The following BORCS5 variants were observed in gnomAD, a reference collection of about 807,000 sequenced individuals.
BORCS5 encodes the protein BLOC-1-related complex subunit 5.
BORCS5 carries 17 observed loss-of-function variants against 22.1 expected under a neutral mutation model. The observed-to-expected ratio is 0.77, with a 90% CI of 0.53 to 1.15. BORCS5 has a LOEUF of 1.15. BORCS5 is among the 50% of genes most tolerant of loss of function. BORCS5 has a pLI of 0.00. For synonymous variants in BORCS5, 117 were observed against 99.8 expected, an observed-to-expected ratio of 1.17 and a Z score of -1.03; for missense variants, 247 against 253.2, an observed-to-expected ratio of 0.98 and a Z score of 0.17.
At position 12,360,196 on chromosome 12, in the gene BORCS5, T is replaced by C. The variant is rs187740829; in HGVS notation, c.59-1010T>C. On this transcript the variant is annotated intron_variant, in intron 1 of 3. Transcript: ENST00000314565. The stretch of plus-strand genomic sequence containing the variant: ...GGCCAATATGGTGAAACCCCATCTC[T>C]ACTAAAAATACAAAAATTAGCCAGA... 4.0e-3 allele frequency among the ~76,000 whole-genome samples: 604 copies of C among 152,138 alleles called. 2 individuals carry two copies. The highest frequency in any genetic ancestry group is 5.0e-3 in the Non-Finnish European group (343 of 68,004).
At chr12:12,445,521 TGAAATA>T (rs1565922865) in intron 3 of BORCS5, among the ~76,000 whole-genome samples, 1 of 142,684 alleles carries the variant, frequency 7.0e-6, no homozygotes, top group African/African-American at 2.6e-5. Flanking sequence ...TTTTTCAATT[TGAAATA>T]CCTTTTTTTT....
intron 2 of BORCS5, among the ~76,000 whole-genome samples, chr12:12,364,569 ATGT>A (rs770876133): frequency 6.7e-4 from 101 of 150,214 alleles, no homozygotes; most frequent in Admixed American, 1.7e-3. Context: ...GTTCAGACCC[ATGT>A]TGTTGTTCAA....
At position 12,435,750 on chromosome 12, in the gene BORCS5, T is replaced by A; in HGVS notation, c.325T>A (p.Phe109Ile). The A allele has an allele frequency of 6.2e-7, 1 of 1,613,898 alleles. No individual in the cohort carries two copies. Among genetic ancestry groups the A allele is most frequent in the Non-Finnish European group, 8.5e-7 (1 of 1,179,932 alleles). Residue 109 changes from phenylalanine to isoleucine, a missense_variant, in exon 3 of 4, where the codon TTT becomes ATT. Physicochemically the swap from Phe to Ile is conservative, Grantham distance 21. Transcript: ENST00000314565. ...GCATCAGTGTGCAGAGGCCGTTGCT[T>A]TTGACCAGAATGCTTTGGTTAAACG... is the stretch of plus-strand genomic sequence containing the variant. ...HLHQCAEAVAFDQNALVKRIK... is the reference protein window; with the variant it reads ...HLHQCAEAVAIDQNALVKRIK...
rs1194224297 is a variant in BORCS5 at position 12,359,489 on chromosome 12, G to A, written c.59-1717G>A. The stretch of plus-strand genomic sequence containing the variant: ...CAATTTTCCTGCCTCAGCCTCCCAA[G>A]TAGCTGGGATTACAGGGACATGCCA... On this transcript the variant is annotated intron_variant, in intron 1 of 3. Coordinates refer to ENST00000314565, the MANE Select transcript of BORCS5 (RefSeq NM_058169.6). Among the ~76,000 whole-genome samples, 3 of 151,072 alleles carry A rather than the reference G, an allele frequency of 2.0e-5. No individual in the cohort carries two copies. In the Admixed American group the frequency reaches 2.0e-4, roughly 10 times the overall value.
chr12:12,402,002 C>T (rs1019872352), intron 2 of BORCS5, among the ~76,000 whole-genome samples: 1 of 148,730 alleles, frequency 6.7e-6, no homozygotes, highest in Admixed American at 6.7e-5. Flanking sequence ...GGAGGCGGAG[C>T]TTGCAGTGAG....
At chr12:12,376,324 C>T (rs1404220341) in intron 2 of BORCS5, among the ~76,000 whole-genome samples, 1 of 151,360 alleles carries the variant, frequency 6.6e-6, no homozygotes, top group Non-Finnish European at 1.5e-5. Flanking sequence ...AGCTCTGCCT[C>T]CTGGGTTCAC....
intron 2 of BORCS5, among the ~76,000 whole-genome samples, chr12:12,395,354 C>T (rs574021613): frequency 1.7e-4 from 26 of 151,702 alleles, no homozygotes; most frequent in Admixed American, 1.1e-3. Flanking sequence ...CTGCAGCCTC[C>T]GCTTCCCAGG....
intron 2 of BORCS5, among the ~76,000 whole-genome samples, chr12:12,422,623 G>C (rs1942163816): frequency 6.6e-6 from 1 of 151,698 alleles, no homozygotes; most frequent in African/African-American, 2.4e-5. Flanking sequence ...AAAAGTAAAA[G>C]AATAAGGAAT....
intron 2 of BORCS5, among the ~76,000 whole-genome samples, chr12:12,378,099 C>T (rs780473464): frequency 1.3e-5 from 2 of 152,146 alleles, no homozygotes; most frequent in Non-Finnish European, 2.9e-5. Flanking sequence ...AGGCCGGGCA[C>T]GGTGGCTCAC....
chr12:12,414,231 G>T (rs1255586351), intron 2 of BORCS5, among the ~76,000 whole-genome samples: 6 of 84,874 alleles, frequency 7.1e-5, no homozygotes, highest in African/African-American at 1.5e-4. Flanking sequence ...CTCCCTCCCG[G>T]ACGGGGCGGC....
At chr12:12,418,317 C>T (rs1204501127) in intron 2 of BORCS5, among the ~76,000 whole-genome samples, 2 of 151,704 alleles carry the variant, frequency 1.3e-5, no homozygotes, top group South Asian at 2.1e-4. Flanking sequence ...AGATTACAGG[C>T]GTGAGCCACC....
chr12:12,379,396 T>C (rs1202276617), intron 2 of BORCS5, among the ~76,000 whole-genome samples: 1 of 151,566 alleles, frequency 6.6e-6, no homozygotes, highest in Non-Finnish European at 1.5e-5. Flanking sequence ...TTTACAGGCA[T>C]GGGCCACCAC....
chr12:12,460,830 C>G (rs59468563), intron 3 of BORCS5, among the ~76,000 whole-genome samples: 1,955 of 152,274 alleles, frequency 0.013, 50 homozygotes, highest in African/African-American at 0.044. Context: ...TTGACATAAG[C>G]ATTGCTTGGT....
intron 2 of BORCS5, among the ~76,000 whole-genome samples, chr12:12,372,453 C>T (rs184937113): frequency 3.3e-5 from 5 of 152,146 alleles, no homozygotes; most frequent in African/African-American, 9.7e-5. Flanking sequence ...TCAAGCAAAC[C>T]GCCTGCTTCA....
chr12:12,470,187 C>T lies in BORCS5; in HGVS notation c.*4411C>T, dbSNP rs557684751. Reference sequence around the variant, plus strand: ...CCGGGTTCAAGCAGTTATACTGTCTCAGCCTCCCGAGTAGCTGGGACTACA... The same window carrying T: ...CCGGGTTCAAGCAGTTATACTGTCTTAGCCTCCCGAGTAGCTGGGACTACA... On this transcript the variant is annotated 3_prime_UTR_variant, in exon 4 of 4. Coordinates refer to ENST00000314565, the MANE Select transcript of BORCS5 (RefSeq NM_058169.6). 2.6e-5 allele frequency among the ~76,000 whole-genome samples: 4 copies of T among 152,330 alleles called. No homozygotes were observed. In the South Asian group the frequency reaches 8.3e-4, roughly 32 times the overall value.
At chr12:12,381,215 G>C (rs1299955806) in intron 2 of BORCS5, among the ~76,000 whole-genome samples, 1 of 151,068 alleles carries the variant, frequency 6.6e-6, no homozygotes, top group Admixed American at 6.6e-5. Context: ...GGCCAGGCTG[G>C]TCTGGAACTT....
intron 2 of BORCS5, among the ~76,000 whole-genome samples, chr12:12,401,315 C>T (rs1422176465): frequency 6.6e-6 from 1 of 152,124 alleles, no homozygotes; most frequent in Non-Finnish European, 1.5e-5. Flanking sequence ...CTCAGTAAAA[C>T]CGGATATTGT....
In BORCS5 at chr12:12,357,315, C is replaced by T; in HGVS notation, c.-137C>T. ...CCTGCGTGGGCTGGACGCGTCAGCC[C>T]CACACATTAGCCTCGCTGCGGCGCC... On this transcript the variant is annotated 5_prime_UTR_variant, in exon 1 of 4. Coordinates refer to ENST00000314565, the MANE Select transcript of BORCS5 (RefSeq NM_058169.6). 4 of 1,471,662 alleles carry T rather than the reference C, an allele frequency of 2.7e-6. No homozygotes were observed. Among genetic ancestry groups the T allele is most frequent in the South Asian group, 2.7e-5 (2 of 73,598 alleles). The allele number at this position is 1,471,662 out of a possible 1,614,324, so 91.2% of individuals were successfully genotyped here. A position where few individuals can be genotyped will look rare whatever the true frequency, so the allele number is the denominator to read the frequency against.
intron 2 of BORCS5, among the ~76,000 whole-genome samples, chr12:12,379,825 G>T (rs1031740412): frequency 2.6e-5 from 4 of 151,344 alleles, no homozygotes; most frequent in Non-Finnish European, 4.4e-5. Flanking sequence ...TTCCCTTTAA[G>T]AACTTGTCCT....
Sources: allele counts gnomAD v4.1 joint callset (sites outside exome capture counted in the v4.1 genomes callset), GRCh38; gene constraint gnomAD v4.1.1; transcripts MANE v1.5; gene names NCBI Gene and HGNC (gene_info 2026-07-23, HGNC 2026-07-21).